Variants in PCNX2 observed in about 807,000 individuals in gnomAD.
PCNX2 encodes pecanex 2, also known as pecanex-like protein 2.
In PCNX2, 168 loss-of-function variants were observed where a neutral mutation model predicts 223.8. The observed-to-expected ratio is 0.75, with a 90% confidence interval of 0.66 to 0.85. The LOEUF is 0.85. Ranked by LOEUF, PCNX2 falls within the 40% of genes least tolerant of loss-of-function variation. The probability of loss-of-function intolerance (pLI) is 0.00; values close to 1 mark genes in which losing one functional copy is unlikely to be tolerated. For synonymous variants in PCNX2, 1,006 were observed against 1,052.6 expected (o/e 0.96, Z 0.86); for missense variants, 2,507 against 2,675.5 (o/e 0.94, Z 1.39).
chr1:233,132,923 G>A (rs1676587167), intron 21 of PCNX2, among the ~76,000 whole-genome samples: 2 of 145,508 alleles, frequency 1.4e-5, no homozygotes, highest in South Asian at 4.4e-4. Context: ...TTTGAGACAG[G>A]GTTTCATTCC....
intron 9 of PCNX2, among the ~76,000 whole-genome samples, chr1:233,233,396 T>C (rs1176565083): frequency 2.6e-5 from 4 of 151,612 alleles, no homozygotes; most frequent in South Asian, 2.1e-4. Context: ...TCTACAGCTA[T>C]GACAATGAAA....
chr1:233,024,152 CA>C (rs1671002725), intron 26 of PCNX2, among the ~76,000 whole-genome samples: 1 of 152,198 alleles, frequency 6.6e-6, no homozygotes, highest in Non-Finnish European at 1.5e-5. Context: ...TGGGCTCAAA[CA>C]ATCCTCCTGC....
chr1:233,147,177 G>A (rs1416922734), intron 19 of PCNX2, among the ~76,000 whole-genome samples: 2 of 152,194 alleles, frequency 1.3e-5, no homozygotes, highest in East Asian at 1.9e-4. Flanking sequence ...AGACACCAAC[G>A]CTTGCACAGT....
intron 23 of PCNX2, among the ~76,000 whole-genome samples, chr1:233,086,760 T>C (rs1673626528): frequency 1.3e-5 from 2 of 152,208 alleles, no homozygotes; most frequent in African/African-American, 2.4e-5. Context: ...GGTAGCCCTA[T>C]GTGGCTGGTA....
At chr1:233,300,167 G>A (rs150485487), upstream of PCNX2, among the ~76,000 whole-genome samples, 442 of 152,284 alleles carry the variant, frequency 2.9e-3, 1 homozygote, top group African/African-American at 0.01. Flanking sequence ...AATAAATTTT[G>A]AGAGAACTGA....
chr1:233,309,081 G>T, the PCNX2 span, among the ~76,000 whole-genome samples: 1 of 152,092 alleles, frequency 6.6e-6, no homozygotes, highest in African/African-American at 2.4e-5. Flanking sequence ...AAAATGTTGG[G>T]TGGGTGTGTG....
intron 25 of PCNX2, among the ~76,000 whole-genome samples, chr1:233,044,037 G>T (rs1216849120): frequency 6.6e-6 from 1 of 151,566 alleles, no homozygotes; most frequent in African/African-American, 2.4e-5. Context: ...GTGTAAAAGT[G>T]TTCCTATTTC....
Position 232,986,001 on chromosome 1 carries a change from A to C in PCNX2, c.6240+91T>G, listed in dbSNP as rs1251525425. Reference sequence around the variant, plus strand: ...AAGGGGATGGGGTTCTGCAGGCAGAAGGGTGGGAACGCAAGGCAGGTGCCA... The same window carrying C: ...AAGGGGATGGGGTTCTGCAGGCAGACGGGTGGGAACGCAAGGCAGGTGCCA... On this transcript the variant is annotated intron_variant, in intron 33 of 33. Coordinates refer to ENST00000258229, the MANE Select transcript of PCNX2 (RefSeq NM_014801.4). The C allele has an allele frequency of 5.8e-6, 8 of 1,373,702 alleles. No individual in the cohort carries two copies. In the East Asian group the frequency reaches 2.0e-4, roughly 34 times the overall value. 85.1% of individuals were successfully genotyped at this position (1,373,702 alleles called of 1,614,324 possible).
chr1:233,155,478 G>C (rs1292582896), intron 19 of PCNX2, among the ~76,000 whole-genome samples: 1 of 152,160 alleles, frequency 6.6e-6, no homozygotes, highest in East Asian at 1.9e-4. Context: ...TGAGTGACTA[G>C]TATATCCATA....
chr1:233,025,413 A>C lies in PCNX2; in HGVS notation c.4352-14T>G. On this transcript the variant is annotated splice_polypyrimidine_tract_variant and intron_variant, in intron 25 of 33. Coordinates refer to ENST00000258229, the MANE Select transcript of PCNX2 (RefSeq NM_014801.4). ...GGCAGTAGGTTCCTGGCCGAGCACA[A>C]ACATGAAGGAAGTTTGAAGAGAAGG... The C allele has an allele frequency of 6.2e-7, 1 of 1,612,126 alleles. No individual in the cohort carries two copies. Among genetic ancestry groups the C allele is most frequent in the Non-Finnish European group, 8.5e-7 (1 of 1,178,478 alleles).
At chr1:233,084,124 A>T (rs1349941080) in intron 23 of PCNX2, among the ~76,000 whole-genome samples, 3 of 152,226 alleles carry the variant, frequency 2.0e-5, no homozygotes, top group African/African-American at 7.2e-5. Context: ...TTTACAGATG[A>T]GTTAACTGAG....
In PCNX2 at chr1:233,295,420, C is replaced by G. The variant is rs1044132488; in HGVS notation, c.59G>C (p.Gly20Ala). ...GCTCTGCTCCGGGTCGTGGTACCAG[C>G]CCCCGGTGAGCGCGGCCCACACGCC... ...RQGVWAALTG[G>A]WYHDPEQSKF... The change falls in exon 1 of 34, where the codon GGC (glycine) becomes GCC (alanine). Residue 20 changes from glycine (G) to alanine (A), a missense_variant. Transcript: ENST00000258229. This position sits in a 1 kb window ranked among gnomAD's most constrained non-coding sequence, Gnocchi z 4.1. 6.4e-7 allele frequency: 1 copy of G among 1,552,254 alleles called. No homozygotes were observed. Among genetic ancestry groups the G allele is most frequent in the Middle Eastern group, 1.7e-4 (1 of 5,930 alleles).
chr1:233,140,288 A>T (rs952929964), intron 19 of PCNX2, among the ~76,000 whole-genome samples: 1 of 152,170 alleles, frequency 6.6e-6, no homozygotes, highest in African/African-American at 2.4e-5. Flanking sequence ...CTCCCTTTTT[A>T]ATCTTTAAAC....
intron 21 of PCNX2, among the ~76,000 whole-genome samples, chr1:233,113,184 C>T (rs1675212653): frequency 6.6e-6 from 1 of 152,164 alleles, no homozygotes; most frequent in South Asian, 2.1e-4. Context: ...TTTATTCTTC[C>T]TGGTTTTGCA....
At chr1:233,054,019 TCC>T (rs1386384959) in intron 25 of PCNX2, among the ~76,000 whole-genome samples, 1 of 152,180 alleles carries the variant, frequency 6.6e-6, no homozygotes, top group Non-Finnish European at 1.5e-5. Flanking sequence ...AAAATCAATA[TCC>T]TGATTTGCTA....
At chr1:233,214,926 T>C (rs1252605514) in intron 12 of PCNX2, among the ~76,000 whole-genome samples, 1 of 152,218 alleles carries the variant, frequency 6.6e-6, no homozygotes, top group Admixed American at 6.5e-5. Flanking sequence ...CTTCTGATTT[T>C]AACAACTTGC....
chr1:233,063,661 A>C (rs1173163103), intron 23 of PCNX2, among the ~76,000 whole-genome samples: 1 of 152,180 alleles, frequency 6.6e-6, no homozygotes, highest in African/African-American at 2.4e-5. Flanking sequence ...CCTGAAATTG[A>C]GGATTCATGT....
intron 26 of PCNX2, 105 bp downstream of exon 26, chr1:233,025,041 C>G: frequency 2.7e-6 from 4 of 1,455,712 alleles, no homozygotes; most frequent in Non-Finnish European, 3.7e-6. Context: ...AATTCGGAAG[C>G]TGAGGATGAC....
chr1:233,222,989 G>C (rs1490053963), intron 10 of PCNX2, among the ~76,000 whole-genome samples: 1 of 152,204 alleles, frequency 6.6e-6, no homozygotes, highest in Non-Finnish European at 1.5e-5. Flanking sequence ...AAAGCCATGA[G>C]ACTGAATGCC....
Sources: allele counts gnomAD v4.1 joint callset (sites outside exome capture counted in the v4.1 genomes callset), GRCh38; gene constraint gnomAD v4.1.1; non-coding constraint Gnocchi (gnomAD v3.1); transcripts MANE v1.5; gene names NCBI Gene and HGNC (gene_info 2026-07-23, HGNC 2026-07-21).